DHX32: variants seen among roughly 807,000 people sequenced by gnomAD.
DHX32 encodes the protein putative pre-mRNA-splicing factor ATP-dependent RNA helicase DHX32.
Under a neutral mutation model 70.0 loss-of-function variants are expected in DHX32, and 51 were observed. That is an observed-to-expected ratio of 0.73 (90% confidence interval 0.58 to 0.92). DHX32 has a LOEUF of 0.92. Ranked by LOEUF, DHX32 falls within the 40% of genes least tolerant of loss-of-function variation. The pLI is 0.00. For synonymous variants in DHX32, 310 were observed against 315.3 expected (o/e 0.98, Z 0.18); for missense variants, 762 against 891.8 (o/e 0.85, Z 1.85).
chr10:125,847,800 T>G (rs187875464), intron 6 of DHX32, among the ~76,000 whole-genome samples: 1 of 152,264 alleles, frequency 6.6e-6, no homozygotes, highest in East Asian at 1.9e-4. Flanking sequence ...TCATCAGGCA[T>G]TAGATTCTCA....
At chr10:125,862,933 ATT>A (rs1944198943) in intron 2 of DHX32, among the ~76,000 whole-genome samples, 1 of 152,108 alleles carries the variant, frequency 6.6e-6, no homozygotes, top group South Asian at 2.1e-4. Flanking sequence ...GTAATGAGAT[ATT>A]GTGTGTATGA....
intron 6 of DHX32, among the ~76,000 whole-genome samples, chr10:125,845,820 G>A (rs1944009527): frequency 2.0e-5 from 3 of 152,338 alleles, no homozygotes; most frequent in South Asian, 4.1e-4. Flanking sequence ...AGTGCCACCC[G>A]CACCGTGAGG....
At chr10:125,843,654 T>A (rs1854940284) in intron 6 of DHX32, among the ~76,000 whole-genome samples, 1 of 151,912 alleles carries the variant, frequency 6.6e-6, no homozygotes, top group Non-Finnish European at 1.5e-5. Flanking sequence ...TTGATAAAAT[T>A]CCTCCATTCC....
At chr10:125,895,765 T>C (rs1359325427) in intron 1 of DHX32, among the ~76,000 whole-genome samples, 1 of 152,202 alleles carries the variant, frequency 6.6e-6, no homozygotes, top group Admixed American at 6.5e-5. Context: ...GCGAGAAAGA[T>C]CCAACCCGGG....
chr10:125,866,988 A>T lies in DHX32; in HGVS notation c.476+2T>A. The T allele has an allele frequency of 1.2e-6, 2 of 1,611,316 alleles. No homozygotes were observed. The highest frequency in any genetic ancestry group is 1.7e-6 in the Non-Finnish European group (2 of 1,178,196). On this transcript the variant is annotated splice_donor_variant, in intron 2 of 10. Transcript: ENST00000284690. LOFTEE classifies it high-confidence loss of function. The surrounding 1 kb of genome is among the most constrained non-coding windows in gnomAD (Gnocchi z 4.8). ...GGAGCGGACTGAACCCCACAAACCA[A>T]CCTCAGGATTGTTTCGTTGGTACAG...
intron 3 of DHX32, among the ~76,000 whole-genome samples, chr10:125,855,197 G>A (rs1178076298): frequency 6.6e-6 from 1 of 150,492 alleles, no homozygotes; most frequent in Non-Finnish European, 1.5e-5. Context: ...ACTCCAGCCT[G>A]GCAACAGAGT....
At chr10:125,869,626 C>T (rs949667189) in intron 1 of DHX32, 2 of 152,064 alleles carry the variant, frequency 1.3e-5, no homozygotes, top group African/African-American at 2.4e-5. Flanking sequence ...GCTCTGTTGC[C>T]CAGGCTGGTC....
chr10:125,852,473 G>C, intron 5 of DHX32, 22 bp from the exon 6 acceptor site: 1 of 1,613,792 alleles, frequency 6.2e-7, no homozygotes, highest in Admixed American at 1.7e-5. Flanking sequence ...CAAGAAAAAT[G>C]GCTTTAATAT....
intron 9 of DHX32, among the ~76,000 whole-genome samples, 185 bp from the exon 10 acceptor site, chr10:125,838,572 A>C (rs1483922310): frequency 2.6e-5 from 4 of 152,228 alleles, no homozygotes; most frequent in African/African-American, 9.7e-5. Flanking sequence ...TAAAACTTTG[A>C]GACAGTGATG....
At chr10:125,874,077 A>G (rs1414209766) in intron 1 of DHX32, among the ~76,000 whole-genome samples, 3 of 152,210 alleles carry the variant, frequency 2.0e-5, no homozygotes, top group Non-Finnish European at 4.4e-5. Context: ...ACCTGTCTGC[A>G]AAAAATGTAA....
chr10:125,856,089 A>G (rs1344966295), intron 3 of DHX32, among the ~76,000 whole-genome samples: 1 of 152,250 alleles, frequency 6.6e-6, no homozygotes, highest in African/African-American at 2.4e-5. Context: ...TGGGGCAGAA[A>G]AGCTTTAAAA....
rs1426279678 is a variant in DHX32, at chr10:125,854,029, A to G, written c.1024T>C (p.Ser342Pro). The G allele has an allele frequency of 1.9e-6, 3 of 1,613,970 alleles. No homozygotes were observed. The highest frequency in any genetic ancestry group is 3.3e-5 in the Admixed American group (2 of 59,998). ...YQRRVVLTTS[S>P]GEFLIWSNSV... ...TTGCTCCAGATCAAAAACTCTCCAG[A>G]GCTAGTAGTTAACACCACTCTTCTT... Residue 342 changes from serine (S) to proline (P), a missense_variant, in exon 4 of 11, where the codon TCT becomes CCT. By Grantham distance (74) the Ser-to-Pro change is moderately conservative (BLOSUM62 -1). Around this residue, in one of 3 missense-constraint regions of DHX32, gnomAD observed 394 missense variants for 473.1 expected, o/e 0.83. Transcript: ENST00000284690.
At chr10:125,837,788 A>C (rs1338500569) in intron 10 of DHX32, among the ~76,000 whole-genome samples, 1 of 152,192 alleles carries the variant, frequency 6.6e-6, no homozygotes, top group African/African-American at 2.4e-5. Flanking sequence ...TAGATAAAAT[A>C]TAAACTATGT....
At chr10:125,896,278 C>G (rs1944519452) in exon 1 of DHX32, 1 of 161,004 alleles carries the variant, frequency 6.2e-6, no homozygotes, top group Non-Finnish European at 1.3e-5. Flanking sequence ...TACCCGCGGG[C>G]AGGCCCACTC....
intron 6 of DHX32, among the ~76,000 whole-genome samples, chr10:125,849,357 C>A (rs1013482052): frequency 1.3e-5 from 2 of 152,156 alleles, no homozygotes; most frequent in Non-Finnish European, 2.9e-5. Context: ...CCATTCTGGG[C>A]CCTTTAAAAC....
intron 1 of DHX32, among the ~76,000 whole-genome samples, chr10:125,891,251 A>G (rs1944369121): frequency 6.6e-6 from 1 of 152,278 alleles, no homozygotes; most frequent in Admixed American, 6.5e-5. Context: ...GTGAGATTCA[A>G]TAAAAGCTGA....
intron 6 of DHX32, among the ~76,000 whole-genome samples, chr10:125,844,624 CT>C (rs1483688288): frequency 6.6e-6 from 1 of 152,214 alleles, no homozygotes; most frequent in East Asian, 1.9e-4. Flanking sequence ...TGCATTTTAT[CT>C]CCCCAGTGTG....
intron 1 of DHX32, among the ~76,000 whole-genome samples, chr10:125,878,106 GAAT>G (rs1339587902): frequency 1.3e-5 from 2 of 152,128 alleles, no homozygotes; most frequent in African/African-American, 2.4e-5. Context: ...ACAACAAACT[GAAT>G]AATAAGTATT....
chr10:125,863,488 C>A (rs951808934), intron 2 of DHX32, among the ~76,000 whole-genome samples: 1 of 150,710 alleles, frequency 6.6e-6, no homozygotes, highest in Admixed American at 6.6e-5. Context: ...CACTCTGTTG[C>A]CCAGTCTGGA....
Sources: allele counts gnomAD v4.1 joint callset (sites outside exome capture counted in the v4.1 genomes callset), GRCh38; gene constraint gnomAD v4.1.1; regional missense constraint gnomAD v4.1.1; non-coding constraint Gnocchi (gnomAD v3.1); transcripts MANE v1.5; gene names NCBI Gene and HGNC (gene_info 2026-07-23, HGNC 2026-07-21).